Variants in CDH23 observed in about 807,000 individuals in gnomAD.
The protein encoded by CDH23 is cadherin-23.
A neutral mutation model predicts 317.1 loss-of-function variants in CDH23; 189 were observed. The ratio of observed to expected loss-of-function variants is 0.60; its 90% CI spans 0.53 to 0.67. The LOEUF is 0.67. Ranked by LOEUF, CDH23 falls within the 30% of genes least tolerant of loss-of-function variation. CDH23 has a pLI of 0.00. For synonymous variants in CDH23, 1,839 were observed against 1,876.8 expected, an observed-to-expected ratio of 0.98 and a Z score of 0.52; for missense variants, 4,401 against 4,592.4, an observed-to-expected ratio of 0.96 and a Z score of 1.20.
chr10:71,440,617 G>C lies in CDH23; in HGVS notation c.67+719G>C, dbSNP rs377052251. Among the ~76,000 whole-genome samples, 29 of 152,318 alleles carry C rather than the reference G, an allele frequency of 1.9e-4. No homozygotes were observed. In the East Asian group the frequency reaches 3.7e-3, roughly 19 times the overall value. ...GCCTTCCCCTCTGCCCTCCTTTCCT[G>C]GCCTTCCAGCAGCCAGCTCAGAGTG... On this transcript the variant is annotated intron_variant, in intron 2 of 69. Coordinates refer to ENST00000224721, the MANE Select transcript of CDH23 (RefSeq NM_022124.6).
At chr10:71,603,902 C>G (rs934724707) in intron 9 of CDH23, among the ~76,000 whole-genome samples, 3 of 152,188 alleles carry the variant, frequency 2.0e-5, no homozygotes, top group Non-Finnish European at 2.9e-5. Flanking sequence ...CCAGTGAGGT[C>G]GTGCATGTGA....
intron 38 of CDH23, chr10:71,742,135 C>T (rs1175630100): frequency 1.6e-5 from 9 of 578,724 alleles, no homozygotes; most frequent in Admixed American, 6.0e-5. Context: ...TTTGGCCTCC[C>T]GAGTCTATAG....
At chr10:71,436,067 T>G (rs7068595) in intron 1 of CDH23, among the ~76,000 whole-genome samples, 47,971 of 152,228 alleles carry the variant, frequency 0.32, 7,812 homozygotes, top group Middle Eastern at 0.45. Flanking sequence ...TGCTTTACCC[T>G]TTGGAGCCTG....
chr10:71,403,402 TCTTTC>T, intron 1 of CDH23, among the ~76,000 whole-genome samples: 2 of 103,150 alleles, frequency 1.9e-5, no homozygotes, highest in African/African-American at 9.5e-5. Flanking sequence ...TTTCTTTCTT[TCTTTC>T]TCTTCCTTCC....
rs7896769 is a variant in CDH23 at position 71,739,314 on chromosome 10, C to T, written c.4360-330C>T. 0.034 allele frequency among the ~76,000 whole-genome samples: 5,148 copies of T among 152,162 alleles called. 290 individuals carry two copies. The highest frequency in any genetic ancestry group is 0.12 in the African/African-American group (4,802 of 41,470). The stretch of plus-strand genomic sequence containing the variant: ...GAACCAAGTAGAGTCCAGGTAATGC[C>T]GCAGCGTGTGCCCACCCCAGCAGCG... On this transcript the variant is annotated intron_variant, in intron 35 of 69. Coordinates refer to ENST00000224721, the MANE Select transcript of CDH23 (RefSeq NM_022124.6).
rs985852509 is a variant in CDH23 at position 71,710,813 on chromosome 10, G to A, written c.3220+1602G>A. ...GTGCACAAGCATGCGTGCATGCACCGCAGCTGGCCCATGGAGTGGCCCACA... is the reference window on the plus strand; with the variant it reads ...GTGCACAAGCATGCGTGCATGCACCACAGCTGGCCCATGGAGTGGCCCACA... On this transcript the variant is annotated intron_variant, in intron 27 of 69. Transcript: ENST00000224721. Among the ~76,000 whole-genome samples the A allele has an allele frequency of 2.6e-5, 4 of 152,352 alleles. No individual in the cohort carries two copies. The South Asian group carries it at 6.2e-4, about 24-fold the overall frequency.
intron 14 of CDH23, among the ~76,000 whole-genome samples, 162 bp from the exon 15 acceptor site, chr10:71,674,950 A>G (rs1864297571): frequency 1.3e-5 from 2 of 152,158 alleles, no homozygotes; most frequent in African/African-American, 4.8e-5. Flanking sequence ...ACCCGCTCCT[A>G]ACCCAGACTG....
intron 3 of CDH23, among the ~76,000 whole-genome samples, chr10:71,468,976 A>C (rs551273869): frequency 1.5e-4 from 23 of 152,190 alleles, no homozygotes; most frequent in Non-Finnish European, 3.1e-4. Flanking sequence ...TGTGGGCCTG[A>C]GGGAGGCTCA....
chr10:71,430,914 G>A (rs57387407), intron 1 of CDH23, among the ~76,000 whole-genome samples: 3 of 152,144 alleles, frequency 2.0e-5, no homozygotes, highest in Middle Eastern at 3.2e-3. Flanking sequence ...AAGCAACTCC[G>A]TATGTACTGA....
In CDH23 at chr10:71,785,663, CCGCGAG is replaced by C; in HGVS notation, c.5748_5753del (p.Glu1917_Arg1918del). The stretch of plus-strand genomic sequence containing the variant: ...TCGTCACTGTGAACCGGCCCCTGGA[CCGCGAG>C]CGGATCCCAGAGTACAAGCTGACCA... On this transcript the variant is annotated inframe_deletion, in exon 44 of 70. Transcript: ENST00000224721. The C allele has an allele frequency of 6.2e-7, 1 of 1,606,906 alleles. No individual in the cohort carries two copies. The highest frequency in any genetic ancestry group is 1.1e-5 in the South Asian group (1 of 89,198).
intron 17 of CDH23, among the ~76,000 whole-genome samples, chr10:71,680,725 T>C: frequency 9.2e-6 from 1 of 109,278 alleles, no homozygotes; most frequent in Admixed American, 1.3e-4. Flanking sequence ...TCCAGCCTGG[T>C]GACAGAGTGA....
intron 30 of CDH23, among the ~76,000 whole-genome samples, chr10:71,728,074 G>A (rs1013806463): frequency 1.3e-5 from 2 of 152,108 alleles, no homozygotes; most frequent in African/African-American, 2.4e-5. Flanking sequence ...ACAACCCTTG[G>A]AGTCAAGGTC....
At chr10:71,716,259 C>G in intron 28 of CDH23, 1 of 1,542,232 alleles carries the variant, frequency 6.5e-7, no homozygotes, top group Non-Finnish European at 8.8e-7. Flanking sequence ...GCAAGGGTCC[C>G]GGGAGTGACG....
At chr10:71,582,461 TG>T (rs753032794) in intron 9 of CDH23, among the ~76,000 whole-genome samples, 1 of 152,314 alleles carries the variant, frequency 6.6e-6, no homozygotes. Context: ...TTAAAATTAA[TG>T]TTATCTATTT....
intron 19 of CDH23, among the ~76,000 whole-genome samples, chr10:71,688,428 GGAGCCAGGGATGGTA>G (rs1173772814): frequency 1.3e-5 from 2 of 152,248 alleles, no homozygotes; most frequent in African/African-American, 2.4e-5. Context: ...TAGAGATGCT[GGAGCCAGGGATGGTA>G]GAGCCAGGGA....
chr10:71,741,067 G>C (rs1044608028), intron 37 of CDH23, 117 bp downstream of exon 37: 1 of 1,199,940 alleles, frequency 8.3e-7, no homozygotes, highest in Non-Finnish European at 1.2e-6. Context: ...AGATCTCATG[G>C]ATGGGAACTG....
intron 38 of CDH23, among the ~76,000 whole-genome samples, chr10:71,773,884 C>G (rs932256404): frequency 1.3e-5 from 2 of 152,174 alleles, no homozygotes; most frequent in Admixed American, 6.5e-5. Context: ...TTGTACCCTA[C>G]ATCCTCCAGC....
intron 1 of CDH23, among the ~76,000 whole-genome samples, chr10:71,421,072 C>T (rs932607978): frequency 4.5e-4 from 68 of 152,356 alleles, no homozygotes; most frequent in African/African-American, 1.6e-3. Flanking sequence ...CTCCAGACTT[C>T]AGAGGTCTCC....
At position 71,788,971 on chromosome 10, in the gene CDH23, A is replaced by G. The variant is rs1299758893; in HGVS notation, c.5852A>G (p.Asp1951Gly). 1 of 1,600,160 alleles carries G rather than the reference A, an allele frequency of 6.2e-7. No individual in the cohort carries two copies. Among genetic ancestry groups the G allele is most frequent in the South Asian group, 1.1e-5 (1 of 90,792 alleles). The change falls in exon 45 of 70, where the codon GAT becomes GGT. Residue 1951 changes from aspartate to glycine, a missense_variant. Physicochemically the swap from Asp to Gly is moderately conservative, Grantham distance 94 (BLOSUM62 -1). Around this residue, in one of 3 missense-constraint regions of CDH23, gnomAD observed 3,068 missense variants for 3,203.3 expected, o/e 0.96. Coordinates refer to ENST00000224721, the MANE Select transcript of CDH23 (RefSeq NM_022124.6). Reference protein sequence around the residue: ...DYDLLLIFLSDENDNHPLFTK... With the variant: ...DYDLLLIFLSGENDNHPLFTK... ...GACTTGCTTCTGATCTTCCTTTCTG[A>G]TGAGAATGACAACCACCCCCTCTTC...
Sources: allele counts gnomAD v4.1 joint callset (sites outside exome capture counted in the v4.1 genomes callset), GRCh38; gene constraint gnomAD v4.1.1; regional missense constraint gnomAD v4.1.1; transcripts MANE v1.5; gene names NCBI Gene and HGNC (gene_info 2026-07-23, HGNC 2026-07-21).